NDNF: variants seen among roughly 807,000 people sequenced by gnomAD.
NDNF encodes the protein neuron derived neurotrophic factor.
NDNF carries 16 observed loss-of-function variants against 42.0 expected under a neutral mutation model. That is an observed-to-expected ratio of 0.38 (90% confidence interval 0.26 to 0.58). NDNF has a LOEUF of 0.58. NDNF is among the 20% of genes least tolerant of loss of function. The pLI, the probability that NDNF is intolerant of heterozygous loss-of-function variation, is 0.67. For synonymous variants in NDNF, 248 were observed against 251.7 expected (o/e 0.99, Z 0.14); for missense variants, 616 against 666.2 (o/e 0.92, Z 0.83).
At chr4:121,049,180 G>A (rs919061835) in intron 1 of NDNF, among the ~76,000 whole-genome samples, 2 of 152,222 alleles carry the variant, frequency 1.3e-5, no homozygotes, top group Non-Finnish European at 2.9e-5. Context: ...TGCAGAGTAA[G>A]TGTTGGGAGG....
At chr4:121,054,582 C>T (rs77537331) in intron 1 of NDNF, among the ~76,000 whole-genome samples, 2,672 of 152,292 alleles carry the variant, frequency 0.018, 42 homozygotes, top group East Asian at 0.057. Flanking sequence ...GACATTTATG[C>T]TGTCATCTGA....
intron 1 of NDNF, among the ~76,000 whole-genome samples, chr4:121,051,705 T>C (rs1037096119): frequency 3.3e-5 from 5 of 152,220 alleles, no homozygotes; most frequent in African/African-American, 9.6e-5. Flanking sequence ...GTTAAACCAC[T>C]GGTTCAGTTA....
intron 2 of NDNF, among the ~76,000 whole-genome samples, chr4:121,045,439 C>T (rs969574971): frequency 2.6e-5 from 4 of 152,016 alleles, no homozygotes; most frequent in East Asian, 1.9e-4. Context: ...GCCTCCTACA[C>T]GCAAAAGGAG....
intron 1 of NDNF, among the ~76,000 whole-genome samples, chr4:121,064,487 A>C (rs1439690960): frequency 2.0e-5 from 3 of 152,248 alleles, no homozygotes; most frequent in African/African-American, 7.2e-5. Context: ...TGTTGGATGG[A>C]ACTTTTTAAA....
intron 1 of NDNF, chr4:121,071,750 AAACAAAC>A (rs1319439883): frequency 3.5e-5 from 4 of 113,390 alleles, no homozygotes; most frequent in African/African-American, 1.4e-4. Flanking sequence ...ACAAACAAAC[AAACAAAC>A]AACAACAACA....
At chr4:121,038,301 A>G (rs1472778035) in intron 3 of NDNF, 2 of 151,980 alleles carry the variant, frequency 1.3e-5, no homozygotes, top group Non-Finnish European at 2.9e-5. Flanking sequence ...GCAGTGAGCT[A>G]TGATTGCACC....
At position 121,065,708 on chromosome 4, in the gene NDNF, A is replaced by C. The variant is rs570901839; in HGVS notation, c.-2+6285T>G. ...TATTTATATTCACTTTTATGTGTAA[A>C]GAATGAAATACACACACACACACAC... is the stretch of plus-strand genomic sequence containing the variant. On this transcript the variant is annotated intron_variant, in intron 1 of 3. Transcript: ENST00000379692. 2.7e-3 allele frequency among the ~76,000 whole-genome samples: 335 copies of C among 123,982 alleles called. 1 individual carries two copies. Among genetic ancestry groups the C allele is most frequent in the African/African-American group, 8.1e-3 (300 of 37,020 alleles). 81.3% of individuals were successfully genotyped at this position (123,982 alleles called of 152,430 possible).
chr4:121,045,309 G>A (rs1282328005), intron 2 of NDNF, among the ~76,000 whole-genome samples: 2 of 151,422 alleles, frequency 1.3e-5, no homozygotes, highest in Admixed American at 1.3e-4. Flanking sequence ...CCGAGATTGT[G>A]CCACTGCACT....
intron 1 of NDNF, among the ~76,000 whole-genome samples, chr4:121,070,392 C>T (rs1236941571): frequency 1.3e-5 from 2 of 152,174 alleles, no homozygotes; most frequent in African/African-American, 4.8e-5. Context: ...TCTCCGAACC[C>T]AGGGAGGATT....
chr4:121,057,083 G>GAGATATATATATATATATATA (rs1553925078), intron 1 of NDNF, among the ~76,000 whole-genome samples: 1 of 152,156 alleles, frequency 6.6e-6, no homozygotes, highest in Non-Finnish European at 1.5e-5. Context: ...CTTATACTCA[G>GAGATATATATATATATATATA]TGGATAAGAG....
intron 2 of NDNF, among the ~76,000 whole-genome samples, chr4:121,044,566 T>G (rs139342136): frequency 6.6e-6 from 1 of 151,826 alleles, no homozygotes; most frequent in African/African-American, 2.4e-5. Context: ...TGAGCCCAAT[T>G]TGTTGATGTT....
chr4:121,039,233 T>C lies in NDNF; in HGVS notation c.313+697A>G, dbSNP rs1269800196. ...ATATATATATATATATATATATATA[T>C]ATAAAGACTATGTATATATATATAG... On this transcript the variant is annotated intron_variant, in intron 3 of 3. Transcript: ENST00000379692. Among the ~76,000 whole-genome samples, 23 of 131,120 alleles carry C rather than the reference T, an allele frequency of 1.8e-4. 1 individual carries two copies. Among genetic ancestry groups the C allele is most frequent in the Non-Finnish European group, 3.2e-4 (20 of 63,072 alleles). 86.0% of individuals were successfully genotyped at this position (131,120 alleles called of 152,430 possible). A position where few individuals can be genotyped will look rare whatever the true frequency, so the allele number is the denominator to read the frequency against.
At chr4:121,039,299 C>G (rs1450159782) in intron 3 of NDNF, among the ~76,000 whole-genome samples, 7 of 146,102 alleles carry the variant, frequency 4.8e-5, no homozygotes, top group African/African-American at 1.5e-4. Flanking sequence ...CACCTTTAAC[C>G]TATGATGCCC....
chr4:121,036,125 T>C lies in NDNF; in HGVS notation c.*139A>G. ...AGAGTTACTTATATAAACATCAATA[T>C]ACACACGTTGATATCCTTCCTTCCA... On this transcript the variant is annotated 3_prime_UTR_variant, in exon 4 of 4. Transcript: ENST00000379692. 1.4e-6 allele frequency: 1 copy of C among 731,164 alleles called. No homozygotes were observed. Among genetic ancestry groups the C allele is most frequent in the South Asian group, 1.8e-5 (1 of 55,054 alleles). The allele number at this position is 731,164 out of a possible 1,614,324, so 45.3% of individuals were successfully genotyped here. A position where few individuals can be genotyped will look rare whatever the true frequency, so the allele number is the denominator to read the frequency against.
intron 1 of NDNF, among the ~76,000 whole-genome samples, chr4:121,046,178 T>C (rs1034414529): frequency 2.6e-5 from 4 of 152,218 alleles, no homozygotes; most frequent in South Asian, 2.1e-4. Context: ...GCTATATCAA[T>C]GTCTCAAAGC....
intron 1 of NDNF, among the ~76,000 whole-genome samples, chr4:121,050,057 A>C (rs1285458546): frequency 6.6e-6 from 1 of 152,210 alleles, no homozygotes; most frequent in Non-Finnish European, 1.5e-5. Context: ...TACAAGGAGC[A>C]TTGAATATAG....
At chr4:121,056,646 T>C (rs1425553481) in intron 1 of NDNF, among the ~76,000 whole-genome samples, 1 of 152,254 alleles carries the variant, frequency 6.6e-6, no homozygotes, top group Non-Finnish European at 1.5e-5. Flanking sequence ...ATTTTCCATC[T>C]ATCTCAGGCC....
intron 1 of NDNF, among the ~76,000 whole-genome samples, chr4:121,060,970 A>G (rs1413036696): frequency 6.6e-6 from 1 of 152,242 alleles, no homozygotes; most frequent in African/African-American, 2.4e-5. Flanking sequence ...TAGATGAGTG[A>G]GTAGATGTAC....
chr4:121,050,234 T>A (rs991575817), intron 1 of NDNF, among the ~76,000 whole-genome samples: 3 of 152,220 alleles, frequency 2.0e-5, no homozygotes, highest in Admixed American at 1.3e-4. Context: ...AATTTAAGAA[T>A]TAGTCATTGA....
Sources: gnomAD v4.1 joint callset for allele counts (sites outside exome capture counted in the v4.1 genomes callset) on GRCh38, gnomAD v4.1.1 for gene constraint, MANE v1.5 for transcripts, NCBI Gene and HGNC (gene_info 2026-07-23, HGNC 2026-07-21) for gene names.